The following PCDHGA5 variants were observed in gnomAD, a reference collection of about 807,000 sequenced individuals.
PCDHGA5 encodes the protein protocadherin gamma-A5.
Under a neutral mutation model 56.7 loss-of-function variants are expected in PCDHGA5, and 36 were observed. The observed-to-expected ratio is 0.64, with a 90% confidence interval of 0.49 to 0.84. The LOEUF is 0.84. Ranked by LOEUF, PCDHGA5 falls within the 40% of genes least tolerant of loss-of-function variation. The pLI, the probability that PCDHGA5 is intolerant of heterozygous loss-of-function variation, is 0.00. For synonymous variants in PCDHGA5, 563 were observed against 520.2 expected, an observed-to-expected ratio of 1.08 and a Z score of -1.12; for missense variants, 1,305 against 1,201.5, an observed-to-expected ratio of 1.09 and a Z score of -1.27.
chr5:141,434,802 G>A (rs1009500775), intron 1 of PCDHGA5, among the ~76,000 whole-genome samples: 10 of 151,488 alleles, frequency 6.6e-5, no homozygotes, highest in African/African-American at 2.4e-4. Flanking sequence ...TTCTGAGCTT[G>A]GAGAAATATA....
At chr5:141,450,986 G>A (rs950903600) in intron 1 of PCDHGA5, among the ~76,000 whole-genome samples, 15 of 151,310 alleles carry the variant, frequency 9.9e-5, no homozygotes, top group Non-Finnish European at 1.3e-4. Context: ...CACCACACCC[G>A]GCTAATTTTT....
chr5:141,410,760 A>C, intron 1 of PCDHGA5: 1 of 1,177,482 alleles, frequency 8.5e-7, no homozygotes. Context: ...ATGTTTTTTC[A>C]ATTATAGTTT....
intron 1 of PCDHGA5, among the ~76,000 whole-genome samples, chr5:141,401,758 G>A (rs573644467): frequency 6.6e-6 from 1 of 152,234 alleles, no homozygotes; most frequent in East Asian, 1.9e-4. Flanking sequence ...CCCATTACAT[G>A]GTATAAGTCT....
intron 1 of PCDHGA5, among the ~76,000 whole-genome samples, chr5:141,380,913 T>C (rs1776852594): frequency 6.6e-6 from 1 of 152,242 alleles, no homozygotes; most frequent in African/African-American, 2.4e-5. Flanking sequence ...AGTGCTTACA[T>C]TGTTTAATAA....
At chr5:141,419,977 G>A (rs962684463) in intron 1 of PCDHGA5, 1 of 1,614,066 alleles carries the variant, frequency 6.2e-7, no homozygotes, top group Non-Finnish European at 8.5e-7. Context: ...TTCTCCTCGC[G>A]GTGATTCTAG....
chr5:141,389,818 G>T, intron 1 of PCDHGA5: 2 of 1,613,888 alleles, frequency 1.2e-6, no homozygotes, highest in Non-Finnish European at 1.7e-6. Flanking sequence ...GTCGCCGTGC[G>T]TGACGGTGGA....
At chr5:141,399,037 G>A (rs756325508) in intron 1 of PCDHGA5, 2 of 1,613,856 alleles carry the variant, frequency 1.2e-6, no homozygotes, top group African/African-American at 2.7e-5. Context: ...AAAGAAACTG[G>A]ATTTTGAAGA....
rs188768340 is a variant in PCDHGA5, at chr5:141,382,953, C to G, written c.2421+16202C>G. On this transcript the variant is annotated intron_variant, in intron 1 of 3. Transcript: ENST00000518069. ...ACAGAGGATTCTTCCTGCTCTCCAT[C>G]CTCCTGGGGACCCCCTGGGAAGCCT... 1,258 of 1,601,498 alleles carry G rather than the reference C, an allele frequency of 7.9e-4. 16 individuals carry two copies. In the African/African-American group the frequency reaches 0.015, roughly 19 times the overall value.
At chr5:141,403,875 A>T in intron 1 of PCDHGA5, 1 of 1,613,816 alleles carries the variant, frequency 6.2e-7, no homozygotes, top group Non-Finnish European at 8.5e-7. Flanking sequence ...AAAAGTCTAG[A>T]TTATGAAGAA....
intron 1 of PCDHGA5, among the ~76,000 whole-genome samples, chr5:141,454,626 G>A (rs1206050863): frequency 6.6e-6 from 1 of 151,304 alleles, no homozygotes; most frequent in African/African-American, 2.4e-5. Flanking sequence ...GGCTGGTCTC[G>A]AACCCCCAAC....
intron 1 of PCDHGA5, chr5:141,395,240 G>A: frequency 6.3e-7 from 1 of 1,589,850 alleles, no homozygotes; most frequent in Non-Finnish European, 8.6e-7. Context: ...ATGGTCAGGT[G>A]AGTTTAGTTC....
intron 1 of PCDHGA5, chr5:141,370,169 G>T (rs953635284): frequency 3.5e-5 from 16 of 454,700 alleles, no homozygotes; most frequent in African/African-American, 2.2e-4. Flanking sequence ...CAGCAGAGGC[G>T]CCGGGTGCCG....
intron 1 of PCDHGA5, chr5:141,387,952 C>G: frequency 2.0e-6 from 3 of 1,491,568 alleles, no homozygotes; most frequent in Non-Finnish European, 2.7e-6. Flanking sequence ...TTCCTGCTGT[C>G]TTTGTTCTGC....
rs1221646532 is a variant in PCDHGA5, at chr5:141,366,822, TTCAGA to T, written c.2421+72_2421+76del. ...TTTCCTTTTTCATGTTTCTGTCATA[TTCAGA>T]ATCAGCTAGTTATGTAAATAGTGGA... On this transcript the variant is annotated intron_variant, in intron 1 of 3. Transcript: ENST00000518069. The T allele has an allele frequency of 2.6e-6, 4 of 1,538,856 alleles. No homozygotes were observed. The Admixed American group carries it at 8.0e-5, about 31-fold the overall frequency.
At chr5:141,369,467 G>T (rs1766263105) in intron 1 of PCDHGA5, among the ~76,000 whole-genome samples, 1 of 152,022 alleles carries the variant, frequency 6.6e-6, no homozygotes, top group South Asian at 2.1e-4. Context: ...AGGTGTTCTA[G>T]CCCAGCCTGG....
At chr5:141,376,366 A>G in intron 1 of PCDHGA5, 12 of 1,614,204 alleles carry the variant, frequency 7.4e-6, no homozygotes, top group South Asian at 1.1e-5. Flanking sequence ...CACTCACTGC[A>G]GACTCGCGTA....
rs202220616 is a variant in PCDHGA5, at chr5:141,389,200, A to G, written c.2421+22449A>G. On this transcript the variant is annotated intron_variant, in intron 1 of 3. Coordinates refer to ENST00000518069, the MANE Select transcript of PCDHGA5 (RefSeq NM_018918.3). ...TCCTCCAGTTCCAGCATCACCCTGC[A>G]CATTGGTGATGTAAATGACAACGCT... is the stretch of plus-strand genomic sequence containing the variant. 1,731 of 1,614,032 alleles carry G rather than the reference A, an allele frequency of 1.1e-3. 2 individuals carry two copies. Among genetic ancestry groups the G allele is most frequent in the Non-Finnish European group, 1.4e-3 (1,628 of 1,179,874 alleles).
rs1413288410 is a variant in PCDHGA5 at position 141,392,726 on chromosome 5, T to C, written c.2421+25975T>C. On this transcript the variant is annotated intron_variant, in intron 1 of 3. Transcript: ENST00000518069. The stretch of plus-strand genomic sequence containing the variant: ...GGAGGCACTCCAGGTTTCCGGAGGA[T>C]TGTCATCTCCATAGCTGCGGCAAGA... 4.3e-6 allele frequency: 6 copies of C among 1,399,264 alleles called. No individual in the cohort carries two copies. The African/African-American group carries it at 8.7e-5, about 20-fold the overall frequency. 86.7% of individuals were successfully genotyped at this position (1,399,264 alleles called of 1,614,324 possible).
rs1763242096 is a variant in PCDHGA5 at position 141,364,258 on chromosome 5, C to T, written c.-73C>T. ...CCCATTTTCGTCAGGGAATATGTAC[C>T]CATCGGCTTTAGATAAATAAGGAAA... On this transcript the variant is annotated 5_prime_UTR_variant, in exon 1 of 4. Transcript: ENST00000518069. 2 of 1,497,150 alleles carry T rather than the reference C, an allele frequency of 1.3e-6. No individual in the cohort carries two copies. Among genetic ancestry groups the T allele is most frequent in the Non-Finnish European group, 1.8e-6 (2 of 1,121,380 alleles). 92.7% of individuals were successfully genotyped at this position (1,497,150 alleles called of 1,614,324 possible).
Sources: allele counts gnomAD v4.1 joint callset (sites outside exome capture counted in the v4.1 genomes callset), GRCh38; gene constraint gnomAD v4.1.1; transcripts MANE v1.5; gene names NCBI Gene and HGNC (gene_info 2026-07-23, HGNC 2026-07-21).